MLIP: variants seen among roughly 807,000 people sequenced by gnomAD.
MLIP encodes muscular LMNA interacting protein.
In MLIP, 79 loss-of-function variants were observed where a neutral mutation model predicts 84.8. The observed-to-expected ratio is 0.93, with a 90% CI of 0.78 to 1.12. The LOEUF is 1.12. Ranked by LOEUF, MLIP falls within the 50% of genes most tolerant of loss-of-function variation. MLIP has a pLI of 0.00. For synonymous variants in MLIP, 504 were observed against 463.0 expected, an observed-to-expected ratio of 1.09 and a Z score of -1.14; for missense variants, 1,257 against 1,160.6, an observed-to-expected ratio of 1.08 and a Z score of -1.21.
chr6:54,081,640 T>C (rs1012660088), intron 1 of MLIP, among the ~76,000 whole-genome samples: 2 of 152,098 alleles, frequency 1.3e-5, no homozygotes, highest in East Asian at 3.9e-4. Flanking sequence ...CTTAAACTCC[T>C]GACCTCAGGT....
intron 9 of MLIP, among the ~76,000 whole-genome samples, chr6:54,183,772 G>T (rs897418661): frequency 7.7e-6 from 1 of 130,668 alleles, no homozygotes; most frequent in Admixed American, 8.6e-5. Flanking sequence ...TTGAGACAGA[G>T]TCTCTCTCTG....
chr6:54,197,648 G>T (rs1582473379), intron 10 of MLIP, among the ~76,000 whole-genome samples: 1 of 152,012 alleles, frequency 6.6e-6, no homozygotes, highest in East Asian at 1.9e-4. Flanking sequence ...AGGCTGGAAA[G>T]AAAATTACAA....
At chr6:54,185,329 G>A in intron 9 of MLIP, among the ~76,000 whole-genome samples, 1 of 152,272 alleles carries the variant, frequency 6.6e-6, no homozygotes, top group East Asian at 1.9e-4. Flanking sequence ...CCACATTGTG[G>A]TTTACATTTA....
chr6:54,146,505 G>A (rs754253194), intron 4 of MLIP, among the ~76,000 whole-genome samples: 26 of 152,114 alleles, frequency 1.7e-4, no homozygotes, highest in Non-Finnish European at 3.4e-4. Flanking sequence ...ATTTCAAGAG[G>A]GGGGAAATAG....
chr6:54,236,002 C>T (rs979967574), intron 12 of MLIP, among the ~76,000 whole-genome samples: 2 of 152,146 alleles, frequency 1.3e-5, no homozygotes, highest in Non-Finnish European at 2.9e-5. Flanking sequence ...ACATTATTAC[C>T]TGCTTGCTGG....
intron 11 of MLIP, among the ~76,000 whole-genome samples, chr6:54,213,470 G>A (rs1448581993): frequency 6.6e-6 from 1 of 152,108 alleles, no homozygotes; most frequent in African/African-American, 2.4e-5. Context: ...GGGAGGCCAA[G>A]GCAGGCAGAT....
chr6:54,261,842 T>G (rs1478383323), intron 13 of MLIP: 1 of 603,644 alleles, frequency 1.7e-6, no homozygotes, highest in African/African-American at 2.0e-5. Context: ...TTCCAAAACA[T>G]TATTTCTCAA....
intron 12 of MLIP, among the ~76,000 whole-genome samples, chr6:54,252,150 A>C (rs908745206): frequency 9.5e-6 from 1 of 105,418 alleles, no homozygotes; most frequent in East Asian, 3.0e-4. Context: ...ACTATAATAT[A>C]ACATATAATA....
chr6:54,237,613 A>G (rs1393834216), intron 12 of MLIP, among the ~76,000 whole-genome samples: 1 of 151,472 alleles, frequency 6.6e-6, no homozygotes, highest in Non-Finnish European at 1.5e-5. Context: ...TGAGAAGCCA[A>G]GGTGGGAGGA....
intron 1 of MLIP, among the ~76,000 whole-genome samples, chr6:54,060,152 A>G (rs944256802): frequency 6.6e-6 from 1 of 152,030 alleles, no homozygotes; most frequent in African/African-American, 2.4e-5. Context: ...AGCTTCAAGT[A>G]CTCTCCCTGG....
intron 12 of MLIP, among the ~76,000 whole-genome samples, chr6:54,254,761 T>TTCCC (rs1206639677): frequency 2.8e-5 from 4 of 140,572 alleles, no homozygotes; most frequent in Admixed American, 1.4e-4. Context: ...CCTTCCTTCC[T>TTCCC]TCCTTCCCTT....
At chr6:54,140,743 A>G (rs1328027595) in intron 4 of MLIP, among the ~76,000 whole-genome samples, 1 of 152,160 alleles carries the variant, frequency 6.6e-6, no homozygotes, top group African/African-American at 2.4e-5. Flanking sequence ...AAAACTTATT[A>G]AAATGGATGT....
rs552387791 is a variant in MLIP at position 54,024,566 on chromosome 6, A to G, written c.63+5475A>G. On this transcript the variant is annotated intron_variant, in intron 1 of 12. Coordinates refer to the MLIP transcript ENST00000274897. The stretch of plus-strand genomic sequence containing the variant: ...ATACATCACTAGACACTTATTTTGA[A>G]TAAGACAGAGTACTAAGGGCTGCAG... Among the ~76,000 whole-genome samples the G allele has an allele frequency of 1.7e-4, 26 of 152,338 alleles. No homozygotes were observed. The South Asian group carries it at 3.1e-3, about 18-fold the overall frequency.
chr6:54,032,818 A>G (rs537092209), intron 1 of MLIP, among the ~76,000 whole-genome samples: 1 of 152,218 alleles, frequency 6.6e-6, no homozygotes, highest in African/African-American at 2.4e-5. Context: ...CCTCCCAAAG[A>G]GGGATCATTT....
intron 1 of MLIP, among the ~76,000 whole-genome samples, chr6:54,051,206 A>T (rs899017129): frequency 2.0e-5 from 3 of 151,516 alleles, no homozygotes; most frequent in Non-Finnish European, 4.4e-5. Context: ...ATTAGTATAA[A>T]TATAATATTT....
At chr6:54,143,367 A>G (rs1307585627) in intron 4 of MLIP, among the ~76,000 whole-genome samples, 1 of 151,822 alleles carries the variant, frequency 6.6e-6, no homozygotes, top group Non-Finnish European at 1.5e-5. Flanking sequence ...CACCACACCC[A>G]GCTAAGTTTT....
Position 54,260,862 on chromosome 6 carries a change from G to A in MLIP, c.2976+3501G>A, listed in dbSNP as rs534903302. 4.6e-5 allele frequency among the ~76,000 whole-genome samples: 7 copies of A among 152,060 alleles called. No homozygotes were observed. The East Asian group carries it at 1.4e-3, about 29-fold the overall frequency. On this transcript the variant is annotated intron_variant, in intron 13 of 13. Coordinates refer to ENST00000502396, the MANE Select transcript of MLIP (RefSeq NM_001281747.2). ...GGGGCTGGCATAGCATTTGGTGCAA[G>A]CCGAGTCTGGAGGCTTAGGGCATTC...
At chr6:54,041,632 G>A (rs537021391) in intron 1 of MLIP, among the ~76,000 whole-genome samples, 1 of 152,184 alleles carries the variant, frequency 6.6e-6, no homozygotes, top group African/African-American at 2.4e-5. Context: ...ATAGGCACGT[G>A]CTGGCATCTC....
At chr6:54,251,757 AT>A (rs1281444603) in intron 12 of MLIP, among the ~76,000 whole-genome samples, 1 of 100,388 alleles carries the variant, frequency 1.0e-5, no homozygotes, top group Non-Finnish European at 1.7e-5. Flanking sequence ...AGCATATAAT[AT>A]ATAATATAAA....
Sources: allele counts gnomAD v4.1 joint callset (sites outside exome capture counted in the v4.1 genomes callset), GRCh38; gene constraint gnomAD v4.1.1; transcripts MANE v1.5; gene names NCBI Gene and HGNC (gene_info 2026-07-23, HGNC 2026-07-21).